The following ABI3 variants were observed in gnomAD, a reference collection of about 807,000 sequenced individuals.
ABI3 encodes the protein ABI family member 3, also known as ABI gene family member 3.
ABI3 carries 24 observed loss-of-function variants against 37.0 expected under a neutral mutation model. That is an observed-to-expected ratio of 0.65 (90% CI 0.47 to 0.91). The LOEUF is 0.91. Ranked by LOEUF, ABI3 falls within the 40% of genes least tolerant of loss-of-function variation. The pLI, the probability that ABI3 is intolerant of heterozygous loss-of-function variation, is 0.00. For missense variants in ABI3, 481 were observed against 485.1 expected (o/e 0.99, Z 0.08); for synonymous variants, 220 against 211.8 (o/e 1.04, Z -0.34).
chr17:49,214,950 C>T (rs920249400), intron 1 of ABI3, among the ~76,000 whole-genome samples: 1 of 152,188 alleles, frequency 6.6e-6, no homozygotes, highest in Non-Finnish European at 1.5e-5. Flanking sequence ...AACAGACAAG[C>T]TCCCTGCTCT....
At chr17:49,213,035 T>C (rs1434562042) in intron 1 of ABI3, among the ~76,000 whole-genome samples, 2 of 152,252 alleles carry the variant, frequency 1.3e-5, no homozygotes, top group Non-Finnish European at 2.9e-5. Flanking sequence ...AAATTTCCAG[T>C]TCTGCCACCT....
At chr17:49,220,087 G>A in intron 5 of ABI3, 82 bp from the exon 6 acceptor site, 1 of 1,595,574 alleles carries the variant, frequency 6.3e-7, no homozygotes, top group African/African-American at 1.3e-5. Flanking sequence ...GCAGGGCTGG[G>A]GTCAGGATTG....
Position 49,217,815 on chromosome 17 carries a change from GC to G in ABI3, c.364del (p.Gln122ArgfsTer193). On this transcript the variant is annotated frameshift_variant, in exon 3 of 8. Coordinates refer to ENST00000225941, the MANE Select transcript of ABI3 (RefSeq NM_016428.3). LOFTEE classifies it high-confidence loss of function. Reference sequence around the variant, plus strand: ...GCCACTGTCCAGCGGCTGCCCCCCGGCCAGAAGGTCATCGCCCCAGAGAACC... The same window carrying G: ...GCCACTGTCCAGCGGCTGCCCCCCGGCAGAAGGTCATCGCCCCAGAGAACC... Reference protein sequence around the residue: ...TLATVQRLPPGQKVIAPENLP... With the variant: ...TLATVQRLPPXQKVIAPENLP... 2 of 1,611,072 alleles carry G rather than the reference GC, an allele frequency of 1.2e-6. No homozygotes were observed. The highest frequency in any genetic ancestry group is 1.7e-6 in the Non-Finnish European group (2 of 1,178,714).
chr17:49,216,588 G>A lies in ABI3; in HGVS notation c.175G>A (p.Ala59Thr). ...ETMAFTTQALASVAYQVGNLA... is the reference protein window; with the variant it reads ...ETMAFTTQALTSVAYQVGNLA... ...CATGGCCTTCACTACCCAGGCACTGGCCAGCGTGGCCTACCAGGTGGGCAA... is the reference window on the plus strand; with the variant it reads ...CATGGCCTTCACTACCCAGGCACTGACCAGCGTGGCCTACCAGGTGGGCAA... The change falls in exon 2 of 8, where the codon GCC becomes ACC. Residue 59 changes from alanine (A) to threonine (T), a missense_variant. By Grantham distance (58) the Ala-to-Thr change is moderately conservative (BLOSUM62 0). Coordinates refer to ENST00000225941, the MANE Select transcript of ABI3 (RefSeq NM_016428.3). 1 of 1,610,532 alleles carries A rather than the reference G, an allele frequency of 6.2e-7. No homozygotes were observed. The highest frequency in any genetic ancestry group is 8.5e-7 in the Non-Finnish European group (1 of 1,178,694).
In ABI3 at chr17:49,219,548, C is replaced by G. The variant is rs779144501; in HGVS notation, c.471C>G (p.Ser157Arg). 1.2e-6 allele frequency: 2 copies of G among 1,603,536 alleles called. No homozygotes were observed. The highest frequency in any genetic ancestry group is 4.5e-5 in the East Asian group (2 of 44,406). Residue 157 changes from serine to arginine, a missense_variant, in exon 4 of 8, where the codon AGC (serine) becomes AGG (arginine). Physicochemically the swap from Ser to Arg is moderately radical, Grantham distance 110. Coordinates refer to ENST00000225941, the MANE Select transcript of ABI3 (RefSeq NM_016428.3). This position sits in a 1 kb window ranked among gnomAD's most constrained non-coding sequence, Gnocchi z 4.3. ...DDIGHGIKDL[S>R]TQLSRTGTLS... is the part of the protein sequence containing the mutation. Reference sequence around the variant, plus strand: ...CTCCCGCTCCCTCGCAGGACCTCAGCACGCAGCTGTCAAGAACAGGCACCC... The same window carrying G: ...CTCCCGCTCCCTCGCAGGACCTCAGGACGCAGCTGTCAAGAACAGGCACCC...
In ABI3 at chr17:49,222,817, T is replaced by A; in HGVS notation, c.*102T>A. On this transcript the variant is annotated 3_prime_UTR_variant, in exon 8 of 8. Coordinates refer to ENST00000225941, the MANE Select transcript of ABI3 (RefSeq NM_016428.3). ...CACAGCTGGACTGGGTCTGCCCACC[T>A]CTTGGGCTGTGAGCTGTGTTCTGTC... 7.7e-7 allele frequency: 1 copy of A among 1,301,952 alleles called. No homozygotes were observed. 80.6% of individuals were successfully genotyped at this position (1,301,952 alleles called of 1,614,324 possible). A position where few individuals can be genotyped will look rare whatever the true frequency, so the allele number is the denominator to read the frequency against.
chr17:49,219,918 C>G lies in ABI3; in HGVS notation c.609C>G (p.Ser203=), dbSNP rs749794758. 1 of 1,557,258 alleles carries G rather than the reference C, an allele frequency of 6.4e-7. No individual in the cohort carries two copies. Among genetic ancestry groups the G allele is most frequent in the South Asian group, 1.2e-5 (1 of 85,622 alleles). Residue 203 remains serine, a synonymous_variant, in exon 5 of 8, where the codon TCC becomes TCG. Coordinates refer to ENST00000225941, the MANE Select transcript of ABI3 (RefSeq NM_016428.3). The surrounding 1 kb of genome is among the most constrained non-coding windows in gnomAD (Gnocchi z 4.3). The part of the protein sequence containing the change: ...HLPVVPDGRL[S]AASSAFSLAS... ...CGGTGGTGCCCGACGGCAGACTCTC[C>G]GCCGCCTCCTCTGCGTTTTCCCTGG...
At chr17:49,213,276 A>G (rs16947151) in intron 1 of ABI3, among the ~76,000 whole-genome samples, 17,843 of 152,224 alleles carry the variant, frequency 0.12, 1,167 homozygotes, top group South Asian at 0.19. Flanking sequence ...AAAAATATGC[A>G]GGGCATGAGA....
rs558232443 is a variant in ABI3, at chr17:49,210,876, C to A, written c.117+35C>A. 52 of 1,518,408 alleles carry A rather than the reference C, an allele frequency of 3.4e-5. 1 individual carries two copies. In the East Asian group the frequency reaches 1.3e-3, roughly 38 times the overall value. 94.1% of individuals were successfully genotyped at this position (1,518,408 alleles called of 1,614,324 possible). On this transcript the variant is annotated intron_variant, in intron 1 of 7. Transcript: ENST00000225941. The surrounding 1 kb of genome is among the most constrained non-coding windows in gnomAD (Gnocchi z 4.2). ...GCGGGCGGAAGCCTGACACCCCAGC[C>A]CCCGGAGGGGGGACCCTGAGCCCTG... is the stretch of plus-strand genomic sequence containing the variant.
intron 3 of ABI3, among the ~76,000 whole-genome samples, chr17:49,218,321 C>T (rs958932619): frequency 2.6e-5 from 4 of 152,192 alleles, no homozygotes; most frequent in Non-Finnish European, 5.9e-5. Context: ...CCCAGAGCTG[C>T]TGTTGGTGAG....
intron 6 of ABI3, among the ~76,000 whole-genome samples, chr17:49,221,653 G>A (rs908998382): frequency 8.5e-5 from 13 of 152,144 alleles, no homozygotes; most frequent in Admixed American, 2.0e-4. Flanking sequence ...TTAACTATGT[G>A]CTAGCAGCAC....
Position 49,219,691 on chromosome 17 carries a change from C to G in ABI3, c.548+66C>G. 6.7e-7 allele frequency: 1 copy of G among 1,482,484 alleles called. No individual in the cohort carries two copies. Among genetic ancestry groups the G allele is most frequent in the Non-Finnish European group, 9.2e-7 (1 of 1,089,042 alleles). 91.8% of individuals were successfully genotyped at this position (1,482,484 alleles called of 1,614,324 possible). A position where few individuals can be genotyped will look rare whatever the true frequency, so the allele number is the denominator to read the frequency against. On this transcript the variant is annotated intron_variant, in intron 4 of 7. Transcript: ENST00000225941. This position sits in a 1 kb window ranked among gnomAD's most constrained non-coding sequence, Gnocchi z 4.3. ...CGCGCGACCCTGAAACTCTCCTCCC[C>G]CAGCCTCGCCACCCACCCCTGGCGC...
rs1366220377 is a variant in ABI3, at chr17:49,210,899, C to T, written c.117+58C>T. On this transcript the variant is annotated intron_variant, in intron 1 of 7. Transcript: ENST00000225941. This position sits in a 1 kb window ranked among gnomAD's most constrained non-coding sequence, Gnocchi z 4.2. The stretch of plus-strand genomic sequence containing the variant: ...GCCCCCGGAGGGGGGACCCTGAGCC[C>T]TGCCCCAAGTGGGGCCCTGGGACCC... 1.4e-6 allele frequency: 2 copies of T among 1,439,650 alleles called. No individual in the cohort carries two copies. The highest frequency in any genetic ancestry group is 2.8e-5 in the African/African-American group (2 of 70,350). The allele number at this position is 1,439,650 out of a possible 1,614,324, so 89.2% of individuals were successfully genotyped here.
intron 3 of ABI3, among the ~76,000 whole-genome samples, chr17:49,218,634 G>A (rs957674272): frequency 2.1e-5 from 3 of 144,694 alleles, no homozygotes; most frequent in Non-Finnish European, 3.0e-5. Context: ...ATGGAGTTTC[G>A]CTCTTGTTGT....
At position 49,217,749 on chromosome 17, in the gene ABI3, T is replaced by C. The variant is rs377358127; in HGVS notation, c.296T>C (p.Met99Thr). The change falls in exon 3 of 8, where the codon ATG (methionine) becomes ACG (threonine). Residue 99 changes from methionine to threonine, a missense_variant. Physicochemically the swap from Met to Thr is moderately conservative, Grantham distance 81 (BLOSUM62 -1). Coordinates refer to ENST00000225941, the MANE Select transcript of ABI3 (RefSeq NM_016428.3). ...RVSTLGQMVN[M>T]HMEKVARREI... ...AACCCTGTCATGCAGATGGTGAACATGCATATGGAGAAGGTGGCCCGAAGG... is the reference window on the plus strand; with the variant it reads ...AACCCTGTCATGCAGATGGTGAACACGCATATGGAGAAGGTGGCCCGAAGG... The C allele has an allele frequency of 1.2e-5, 20 of 1,608,172 alleles. No homozygotes were observed. The Admixed American group carries it at 1.5e-4, about 12-fold the overall frequency.
At chr17:49,214,191 C>G (rs1452297854) in intron 1 of ABI3, among the ~76,000 whole-genome samples, 1 of 152,176 alleles carries the variant, frequency 6.6e-6, no homozygotes, top group Non-Finnish European at 1.5e-5. Flanking sequence ...CCCTGAGGGG[C>G]ACCCGAGGGC....
At chr17:49,212,002 C>T (rs1245229427) in intron 1 of ABI3, among the ~76,000 whole-genome samples, 1 of 150,622 alleles carries the variant, frequency 6.6e-6, no homozygotes, top group Non-Finnish European at 1.5e-5. Context: ...AGTGCTGTGG[C>T]ATGATCATAG....
Position 49,219,449 on chromosome 17 carries a change from C to T in ABI3, c.463-91C>T, listed in dbSNP as rs1045038887. On this transcript the variant is annotated intron_variant, in intron 3 of 7. Transcript: ENST00000225941. The surrounding 1 kb of genome is among the most constrained non-coding windows in gnomAD (Gnocchi z 4.3). ...TATGCCGGGCTCTCCCTCCCGGTTC[C>T]CGTCCGCCCCTCCTCCATTTCCTCT... 2 of 1,184,080 alleles carry T rather than the reference C, an allele frequency of 1.7e-6. No homozygotes were observed. The highest frequency in any genetic ancestry group is 1.5e-5 in the African/African-American group (1 of 64,884). 73.3% of individuals were successfully genotyped at this position (1,184,080 alleles called of 1,614,324 possible).
chr17:49,212,424 G>T lies in ABI3; in HGVS notation c.117+1583G>T, dbSNP rs899839992. On this transcript the variant is annotated intron_variant, in intron 1 of 7. Coordinates refer to ENST00000225941, the MANE Select transcript of ABI3 (RefSeq NM_016428.3). ...GGGCAAAACTTTATTTTTCTAACCT[G>T]TACTAACCAAACTATGAGAACAGGC... is the stretch of plus-strand genomic sequence containing the variant. 2.0e-5 allele frequency among the ~76,000 whole-genome samples: 3 copies of T among 152,136 alleles called. No individual in the cohort carries two copies. The South Asian group carries it at 6.2e-4, about 32-fold the overall frequency.
Sources: allele counts gnomAD v4.1 joint callset (sites outside exome capture counted in the v4.1 genomes callset), GRCh38; gene constraint gnomAD v4.1.1; non-coding constraint Gnocchi (gnomAD v3.1); transcripts MANE v1.5; gene names NCBI Gene and HGNC (gene_info 2026-07-23, HGNC 2026-07-21).